UNC79: variants seen among roughly 807,000 people sequenced by gnomAD.
UNC79 encodes the protein protein unc-79 homolog.
A neutral mutation model predicts 283.1 loss-of-function variants in UNC79; 37 were observed. The ratio of observed to expected loss-of-function variants is 0.13; its 90% confidence interval spans 0.10 to 0.17. The LOEUF (loss-of-function observed/expected upper bound fraction) is 0.17. UNC79 is among the 10% of genes least tolerant of loss of function. The pLI, the probability that UNC79 is intolerant of heterozygous loss-of-function variation, is 1.00. For synonymous variants in UNC79, 1,107 were observed against 1,200.2 expected (o/e 0.92, Z 1.61); for missense variants, 2,272 against 3,211.1 (o/e 0.71, Z 7.07).
intron 37 of UNC79, 95 bp downstream of exon 40, chr14:93,654,120 C>T: frequency 2.1e-6 from 2 of 946,394 alleles, no homozygotes; most frequent in Non-Finnish European, 3.2e-6. Flanking sequence ...CCATAGGATA[C>T]TGCTGAGGAA....
chr14:93,588,963 A>C (rs2064445324), intron 22 of UNC79, among the ~76,000 whole-genome samples: 1 of 152,118 alleles, frequency 6.6e-6, no homozygotes, highest in Non-Finnish European at 1.5e-5. Flanking sequence ...GGAGTTTATA[A>C]CGGCTGACTT....
At chr14:93,610,682 C>T (rs549848199) in intron 26 of UNC79, among the ~76,000 whole-genome samples, 1 of 151,728 alleles carries the variant, frequency 6.6e-6, no homozygotes, top group South Asian at 2.1e-4. Flanking sequence ...ATGATCACAG[C>T]TCACTGCAGC....
intron 1 of UNC79, among the ~76,000 whole-genome samples, chr14:93,338,099 C>T (rs1037819338): frequency 6.6e-6 from 1 of 152,136 alleles, no homozygotes; most frequent in Non-Finnish European, 1.5e-5. Flanking sequence ...GTAGCACAAG[C>T]CGAGCGCAGC....
At chr14:93,366,478 A>G (rs1198674004) in intron 1 of UNC79, among the ~76,000 whole-genome samples, 4 of 151,972 alleles carry the variant, frequency 2.6e-5, no homozygotes, top group Admixed American at 6.6e-5. Context: ...TATTTTATAT[A>G]TTTAGGGTTG....
chr14:93,451,070 C>T (rs927854170), intron 1 of UNC79, among the ~76,000 whole-genome samples: 16 of 151,466 alleles, frequency 1.1e-4, no homozygotes, highest in Non-Finnish European at 1.0e-4. Context: ...AGCACAACAG[C>T]GTTCATTTAT....
At chr14:93,402,820 T>TTTG (rs1363035529) in intron 1 of UNC79, among the ~76,000 whole-genome samples, 7 of 152,180 alleles carry the variant, frequency 4.6e-5, no homozygotes, top group Non-Finnish European at 1.0e-4. Flanking sequence ...AGATATTTCT[T>TTTG]CTCTGCTGTC....
At chr14:93,407,651 G>T (rs975069426) in intron 1 of UNC79, among the ~76,000 whole-genome samples, 1 of 152,080 alleles carries the variant, frequency 6.6e-6, no homozygotes, top group African/African-American at 2.4e-5. Context: ...TAGTTTTTCC[G>T]TCTCACAGAA....
intron 32 of UNC79, among the ~76,000 whole-genome samples, chr14:93,639,382 C>T (rs1417001459): frequency 2.6e-5 from 4 of 152,252 alleles, no homozygotes; most frequent in South Asian, 2.1e-4. Context: ...CAACTTCATG[C>T]GGTTTACCGT....
intron 32 of UNC79, among the ~76,000 whole-genome samples, chr14:93,637,643 A>G (rs554796801): frequency 2.6e-5 from 4 of 152,296 alleles, no homozygotes; most frequent in African/African-American, 9.6e-5. Flanking sequence ...CTTTTAGTAG[A>G]GATGAGGTTT....
chr14:93,502,151 T>G (rs1278252608), intron 7 of UNC79, among the ~76,000 whole-genome samples: 1 of 152,154 alleles, frequency 6.6e-6, no homozygotes, highest in African/African-American at 2.4e-5. Flanking sequence ...TGGTGGCTTA[T>G]GCCTGTAATC....
chr14:93,486,290 T>G (rs912435618), intron 4 of UNC79, among the ~76,000 whole-genome samples: 1 of 152,194 alleles, frequency 6.6e-6, no homozygotes, highest in African/African-American at 2.4e-5. Flanking sequence ...AAGAGGAATT[T>G]ATTTTATATT....
chr14:93,544,465 ACT>A (rs2061510290), intron 14 of UNC79, among the ~76,000 whole-genome samples: 1 of 152,046 alleles, frequency 6.6e-6, no homozygotes, highest in South Asian at 2.1e-4. Flanking sequence ...TTCTCTGGAG[ACT>A]CTGCTAGAGT....
intron 1 of UNC79, among the ~76,000 whole-genome samples, chr14:93,402,209 G>A (rs1015918390): frequency 4.8e-5 from 7 of 145,252 alleles, no homozygotes; most frequent in Admixed American, 2.2e-4. Context: ...CCCAAGATGC[G>A]GAGATTGCAC....
At chr14:93,362,283 C>G (rs983377576) in intron 1 of UNC79, among the ~76,000 whole-genome samples, 1 of 151,982 alleles carries the variant, frequency 6.6e-6, no homozygotes, top group Non-Finnish European at 1.5e-5. Context: ...CTTTATATGT[C>G]TGGTATAATT....
intron 24 of UNC79, among the ~76,000 whole-genome samples, chr14:93,598,398 GT>G (rs2065241214): frequency 7.3e-5 from 11 of 151,652 alleles, no homozygotes; most frequent in Admixed American, 2.0e-4. Context: ...GTGTGTGTGT[GT>G]GTGTGTGTGT....
chr14:93,357,710 T>TATGG (rs1555398781), intron 1 of UNC79, among the ~76,000 whole-genome samples: 1 of 126,544 alleles, frequency 7.9e-6, no homozygotes, highest in East Asian at 2.2e-4. Context: ...TATATATATA[T>TATGG]ATATATATAT....
At chr14:93,601,858 G>A (rs2065530018) in intron 25 of UNC79, among the ~76,000 whole-genome samples, 1 of 152,240 alleles carries the variant, frequency 6.6e-6, no homozygotes, top group Middle Eastern at 3.4e-3. Flanking sequence ...AATTAGTGAT[G>A]TTGAGCATTT....
intron 30 of UNC79, among the ~76,000 whole-genome samples, chr14:93,624,610 G>A (rs1336344254): frequency 6.6e-6 from 1 of 152,186 alleles, no homozygotes; most frequent in African/African-American, 2.4e-5. Context: ...TACCAGGGAG[G>A]AAATTATTTG....
chr14:93,377,048 G>A (rs2054573194), intron 1 of UNC79, among the ~76,000 whole-genome samples: 1 of 150,124 alleles, frequency 6.7e-6, no homozygotes, highest in South Asian at 2.1e-4. Flanking sequence ...ACCCGAAGCA[G>A]TGCAGTTTGC....
Sources: gnomAD v4.1 joint callset for allele counts (sites outside exome capture counted in the v4.1 genomes callset) on GRCh38, gnomAD v4.1.1 for gene constraint, MANE v1.5 for transcripts, NCBI Gene and HGNC (gene_info 2026-07-23, HGNC 2026-07-21) for gene names.